The following ZNF592 variants were observed in gnomAD, a reference collection of about 807,000 sequenced individuals.
The protein encoded by ZNF592 is spinocerebellar ataxia, autosomal recessive 5.
In ZNF592, 11 loss-of-function variants were observed where a neutral mutation model predicts 80.3. The observed-to-expected ratio is 0.14, with a 90% CI of 0.09 to 0.23. ZNF592 has a LOEUF of 0.23. Among genes scored for constraint, ZNF592 ranks in the 10% least tolerant of loss-of-function variants. The pLI is 1.00. For synonymous variants in ZNF592, 646 were observed against 640.3 expected (o/e 1.01, Z -0.13); for missense variants, 1,420 against 1,633.9 (o/e 0.87, Z 2.26).
chr15:84,774,876 G>A (rs1962197391), intron 2 of ZNF592, among the ~76,000 whole-genome samples: 1 of 151,972 alleles, frequency 6.6e-6, no homozygotes. Context: ...TGCCTCCCAG[G>A]TTCAAGCAAT....
intron 2 of ZNF592, among the ~76,000 whole-genome samples, chr15:84,770,253 G>A (rs1246970708): frequency 6.6e-6 from 1 of 152,166 alleles, no homozygotes; most frequent in Non-Finnish European, 1.5e-5. Context: ...AGACATAGTA[G>A]ATCTGAGGTG....
chr15:84,784,406 C>T lies in ZNF592; in HGVS notation c.1731C>T (p.Asp577=), dbSNP rs1379021617. 2 of 1,614,102 alleles carry T rather than the reference C, an allele frequency of 1.2e-6. No homozygotes were observed. The highest frequency in any genetic ancestry group is 2.7e-5 in the African/African-American group (2 of 74,940). ...LYAPNLSPPA[D]SRIHVPASGY... ...CGCCAAATCTCAGCCCGCCTGCGGACAGCAGGATCCACGTGCCGGCCAGTG... is the reference window on the plus strand; with the variant it reads ...CGCCAAATCTCAGCCCGCCTGCGGATAGCAGGATCCACGTGCCGGCCAGTG... Residue 577 remains aspartate (D), a synonymous_variant, in exon 4 of 11, where the codon GAC becomes GAT. Transcript: ENST00000560079. The surrounding 1 kb of genome is among the most constrained non-coding windows in gnomAD (Gnocchi z 5.8).
Position 84,802,607 on chromosome 15 carries a change from G to T in ZNF592, c.*214G>T. The T allele has an allele frequency of 3.3e-6, 2 of 613,290 alleles. No individual in the cohort carries two copies. The highest frequency in any genetic ancestry group is 5.7e-6 in the Non-Finnish European group (2 of 348,770). 38.0% of individuals were successfully genotyped at this position (613,290 alleles called of 1,614,324 possible). A position where few individuals can be genotyped will look rare whatever the true frequency, so the allele number is the denominator to read the frequency against. ...CCCTCACAGCTCTGAATTTGCTTCT[G>T]TTATTTATGGCTTTTCGCTGCTTCT... On this transcript the variant is annotated 3_prime_UTR_variant, in exon 11 of 11. Transcript: ENST00000560079.
At chr15:84,762,077 T>G (rs1250186708) in intron 1 of ZNF592, among the ~76,000 whole-genome samples, 1 of 152,214 alleles carries the variant, frequency 6.6e-6, no homozygotes, top group Non-Finnish European at 1.5e-5. Context: ...GAGTCATATT[T>G]TGAGATTTGT....
intron 1 of ZNF592, among the ~76,000 whole-genome samples, chr15:84,757,216 A>T (rs1446890820): frequency 1.3e-5 from 2 of 152,168 alleles, no homozygotes; most frequent in African/African-American, 2.4e-5. Flanking sequence ...TTAGCTTCAC[A>T]AAGTGCTGGG....
At chr15:84,787,152 C>A (rs1962613573) in intron 4 of ZNF592, among the ~76,000 whole-genome samples, 1 of 152,094 alleles carries the variant, frequency 6.6e-6, no homozygotes, top group Non-Finnish European at 1.5e-5. Context: ...ACACCCGCCT[C>A]CTTGTGCATC....
intron 2 of ZNF592, among the ~76,000 whole-genome samples, chr15:84,768,208 C>T (rs900426622): frequency 6.7e-6 from 1 of 149,056 alleles, no homozygotes; most frequent in African/African-American, 2.5e-5. Flanking sequence ...TATCTTCTTT[C>T]CTTTTCTTTC....
rs1023362555 is a variant in ZNF592, at chr15:84,803,894, A to C, written c.*1501A>C. The C allele has an allele frequency of 6.6e-6, 1 of 152,302 alleles. No homozygotes were observed. The highest frequency in any genetic ancestry group is 1.5e-5 in the Non-Finnish European group (1 of 68,104). The allele number at this position is 152,302 out of a possible 1,614,324, so 9.4% of individuals were successfully genotyped here. A position where few individuals can be genotyped will look rare whatever the true frequency, so the allele number is the denominator to read the frequency against. The stretch of plus-strand genomic sequence containing the variant: ...CAGGTGGCATGGGGTTGCGCCCAGC[A>C]GGATGTAGTGGAGTAAAGGGAAGAG... On this transcript the variant is annotated 3_prime_UTR_variant, in exon 11 of 11. Coordinates refer to ENST00000560079, the MANE Select transcript of ZNF592 (RefSeq NM_014630.3).
Position 84,783,270 on chromosome 15 carries a change from C to T in ZNF592, c.595C>T (p.His199Tyr). The T allele has an allele frequency of 2.5e-6, 4 of 1,614,170 alleles. No individual in the cohort carries two copies. Among genetic ancestry groups the T allele is most frequent in the Non-Finnish European group, 3.4e-6 (4 of 1,180,044 alleles). Reference protein sequence around the residue: ...FPVPELHMFDHFCKKEPKPEP... With the variant: ...FPVPELHMFDYFCKKEPKPEP... Reference sequence around the variant, plus strand: ...GGTTCCAGAGCTGCATATGTTTGATCATTTTTGTAAGAAAGAACCCAAGCC... The same window carrying T: ...GGTTCCAGAGCTGCATATGTTTGATTATTTTTGTAAGAAAGAACCCAAGCC... The change falls in exon 4 of 11, where the codon CAT (histidine) becomes TAT (tyrosine). Residue 199 changes from histidine (H) to tyrosine (Y), a missense_variant. Physicochemically the swap from His to Tyr is moderately conservative, Grantham distance 83. Transcript: ENST00000560079. The surrounding 1 kb of genome is among the most constrained non-coding windows in gnomAD (Gnocchi z 5.0).
At chr15:84,769,088 C>G (rs1360044283) in intron 2 of ZNF592, among the ~76,000 whole-genome samples, 4 of 151,930 alleles carry the variant, frequency 2.6e-5, no homozygotes, top group African/African-American at 9.7e-5. Flanking sequence ...TTACAGGTGT[C>G]CACCACCATG....
In ZNF592 at chr15:84,804,712, A is replaced by G. The variant is rs1963194239; in HGVS notation, c.*2319A>G. 1 of 152,234 alleles carries G rather than the reference A, an allele frequency of 6.6e-6. No homozygotes were observed. 9.4% of individuals were successfully genotyped at this position (152,234 alleles called of 1,614,324 possible). A position where few individuals can be genotyped will look rare whatever the true frequency, so the allele number is the denominator to read the frequency against. On this transcript the variant is annotated 3_prime_UTR_variant, in exon 11 of 11. Coordinates refer to ENST00000560079, the MANE Select transcript of ZNF592 (RefSeq NM_014630.3). The stretch of plus-strand genomic sequence containing the variant: ...CTTGACCTTAGGGCATGGAGGGTGG[A>G]GCACATTTTGTCTGCTGTTTGGACT...
At chr15:84,758,854 A>G (rs141132622) in intron 1 of ZNF592, among the ~76,000 whole-genome samples, 124 of 151,832 alleles carry the variant, frequency 8.2e-4, no homozygotes, top group Admixed American at 2.0e-3. Flanking sequence ...CAAGGCTGGG[A>G]AGTCTAGGAT....
intron 2 of ZNF592, among the ~76,000 whole-genome samples, chr15:84,776,243 G>C (rs893514853): frequency 1.3e-5 from 2 of 152,260 alleles, no homozygotes; most frequent in Non-Finnish European, 2.9e-5. Flanking sequence ...CATGGACATG[G>C]CTCTGGTCCC....
chr15:84,784,326 A>T lies in ZNF592; in HGVS notation c.1651A>T (p.Ile551Phe). 1 of 1,614,222 alleles carries T rather than the reference A, an allele frequency of 6.2e-7. No individual in the cohort carries two copies. The highest frequency in any genetic ancestry group is 8.5e-7 in the Non-Finnish European group (1 of 1,180,038). The change falls in exon 4 of 11, where the codon ATT becomes TTT. Residue 551 changes from isoleucine to phenylalanine, a missense_variant. Ile to Phe is a conservative substitution (Grantham distance 21). Around this residue, in one of 7 missense-constraint regions of ZNF592, gnomAD observed 524 missense variants for 628.3 expected, o/e 0.83. Transcript: ENST00000560079. This position sits in a 1 kb window ranked among gnomAD's most constrained non-coding sequence, Gnocchi z 5.8. The part of the protein sequence containing the change: ...VHQVKKAAPL[I>F]VEVFNKVLHS... ...CCAGGTGAAAAAGGCTGCCCCACTG[A>T]TTGTAGAGGTCTTCAACAAGGTCCT...
chr15:84,785,393 C>A (rs975219802), intron 4 of ZNF592, among the ~76,000 whole-genome samples: 1 of 152,084 alleles, frequency 6.6e-6, no homozygotes, highest in Non-Finnish European at 1.5e-5. Flanking sequence ...TTCACTACAA[C>A]CTCTGCCTCT....
chr15:84,777,945 G>A (rs1487942579), intron 2 of ZNF592, among the ~76,000 whole-genome samples: 2 of 151,954 alleles, frequency 1.3e-5, no homozygotes, highest in African/African-American at 2.4e-5. Flanking sequence ...TGATCCGCCC[G>A]CCTCGGCCTC....
In ZNF592 at chr15:84,805,613, T is replaced by C. The variant is rs746384604; in HGVS notation, c.*3220T>C. 2.0e-5 allele frequency: 3 copies of C among 152,622 alleles called. No homozygotes were observed. Among genetic ancestry groups the C allele is most frequent in the East Asian group, 3.8e-4 (2 of 5,196 alleles). 9.5% of individuals were successfully genotyped at this position (152,622 alleles called of 1,614,324 possible). A position where few individuals can be genotyped will look rare whatever the true frequency, so the allele number is the denominator to read the frequency against. ...CTTTCCCCTTAACTTATGTAAACAG[T>C]CTGGTTTTAAAAAATTTGATAATTG... On this transcript the variant is annotated 3_prime_UTR_variant, in exon 11 of 11. Transcript: ENST00000560079.
rs577655416 is a variant in ZNF592 at position 84,785,000 on chromosome 15, C to A, written c.2220+105C>A. The A allele has an allele frequency of 3.9e-6, 5 of 1,284,134 alleles. No individual in the cohort carries two copies. The South Asian group carries it at 6.1e-5, about 16-fold the overall frequency. The allele number at this position is 1,284,134 out of a possible 1,614,324, so 79.5% of individuals were successfully genotyped here. A position where few individuals can be genotyped will look rare whatever the true frequency, so the allele number is the denominator to read the frequency against. ...ATTGATATGGGGGCAGTGGTGGAAT[C>A]TTATGAGTCTTAGAAGAGGATGTCT... On this transcript the variant is annotated intron_variant, in intron 4 of 10. Coordinates refer to ENST00000560079, the MANE Select transcript of ZNF592 (RefSeq NM_014630.3). This position sits in a 1 kb window ranked among gnomAD's most constrained non-coding sequence, Gnocchi z 5.8.
At chr15:84,749,441 A>T (rs1424384335) in intron 1 of ZNF592, among the ~76,000 whole-genome samples, 1 of 152,100 alleles carries the variant, frequency 6.6e-6, no homozygotes, top group Admixed American at 6.5e-5. Flanking sequence ...GTACTGCAGG[A>T]TTATTGAAGC....
Sources: gnomAD v4.1 joint callset for allele counts (sites outside exome capture counted in the v4.1 genomes callset) on GRCh38, gnomAD v4.1.1 for gene constraint, gnomAD v4.1.1 regional missense constraint, Gnocchi (gnomAD v3.1) non-coding constraint, MANE v1.5 for transcripts, NCBI Gene and HGNC (gene_info 2026-07-23, HGNC 2026-07-21) for gene names.